The following GDPD5 variants were observed in gnomAD, a reference collection of about 807,000 sequenced individuals.
The protein encoded by GDPD5 is glycerophosphodiester phosphodiesterase 2.
A neutral mutation model predicts 75.1 loss-of-function variants in GDPD5; 48 were observed. The observed-to-expected ratio is 0.64, with a 90% confidence interval of 0.51 to 0.81. The LOEUF (loss-of-function observed/expected upper bound fraction) is 0.81. Among genes scored for constraint, GDPD5 ranks in the 40% least tolerant of loss-of-function variants. The probability of loss-of-function intolerance (pLI) is 0.00; values close to 1 mark genes in which losing one functional copy is unlikely to be tolerated. For synonymous variants in GDPD5, 336 were observed against 339.0 expected (o/e 0.99, Z 0.10); for missense variants, 706 against 822.6 (o/e 0.86, Z 1.73).
intron 4 of GDPD5, among the ~76,000 whole-genome samples, chr11:75,462,172 G>T (rs950706764): frequency 3.9e-5 from 6 of 152,314 alleles, no homozygotes; most frequent in African/African-American, 7.2e-5. Context: ...GTATACAAAG[G>T]GGGTAACCAA....
At chr11:75,487,773 A>C (rs1258336311) in intron 2 of GDPD5, among the ~76,000 whole-genome samples, 1 of 152,200 alleles carries the variant, frequency 6.6e-6, no homozygotes, top group East Asian at 1.9e-4. Context: ...TTCCCAGGTC[A>C]GGGCTATGAG....
At chr11:75,498,101 G>C (rs1192340142) in intron 1 of GDPD5, among the ~76,000 whole-genome samples, 1 of 151,444 alleles carries the variant, frequency 6.6e-6, no homozygotes, top group African/African-American at 2.4e-5. Context: ...CTGGTGGAGG[G>C]GGGGCTGACT....
intron 2 of GDPD5, among the ~76,000 whole-genome samples, chr11:75,480,693 G>T (rs1483958972): frequency 6.6e-6 from 1 of 152,134 alleles, no homozygotes; most frequent in Non-Finnish European, 1.5e-5. Flanking sequence ...TCATACCCAC[G>T]CAGGTTGGCT....
intron 14 of GDPD5, among the ~76,000 whole-genome samples, chr11:75,440,472 T>C (rs1475916541): frequency 2.6e-5 from 4 of 152,216 alleles, no homozygotes. Flanking sequence ...AGGGTGACAG[T>C]GGAGCCACCA....
chr11:75,447,045 A>T (rs1949003390), intron 9 of GDPD5, among the ~76,000 whole-genome samples: 1 of 152,116 alleles, frequency 6.6e-6, no homozygotes, highest in South Asian at 2.1e-4. Context: ...CACCACATCC[A>T]GCTAATGTTG....
chr11:75,443,042 G>T (rs770505930), intron 11 of GDPD5, 94 bp downstream of exon 11: 2 of 1,410,628 alleles, frequency 1.4e-6, no homozygotes, highest in East Asian at 5.0e-5. Flanking sequence ...GAGAGTGGGG[G>T]TCTCGAAGCT....
rs59758693 is a variant in GDPD5, at chr11:75,453,616, T to TAA, written c.375+3139_375+3140dup. Reference sequence around the variant, plus strand: ...CTGGGCGACACAGCAAGACTGTCTCTAAAAAAAAAAAAAAAAATACAAACA... The same window carrying TAA: ...CTGGGCGACACAGCAAGACTGTCTCTAAAAAAAAAAAAAAAAAAATACAAACA... On this transcript the variant is annotated intron_variant, in intron 6 of 16. Coordinates refer to ENST00000336898, the MANE Select transcript of GDPD5 (RefSeq NM_030792.8). 6.7e-3 allele frequency among the ~76,000 whole-genome samples: 923 copies of TAA among 136,898 alleles called. 10 individuals are homozygous for TAA. The highest frequency in any genetic ancestry group is 0.021 in the African/African-American group (777 of 36,490). The allele number at this position is 136,898 out of a possible 152,430, so 89.8% of individuals were successfully genotyped here.
chr11:75,479,607 AT>A (rs1388113166), intron 2 of GDPD5: 1 of 152,208 alleles, frequency 6.6e-6, no homozygotes, highest in Non-Finnish European at 1.5e-5. Context: ...TTTTTGGTAT[AT>A]TCACAAGTTG....
intron 16 of GDPD5, among the ~76,000 whole-genome samples, chr11:75,435,941 G>A (rs1378882628): frequency 6.6e-6 from 1 of 152,162 alleles, no homozygotes; most frequent in Admixed American, 6.5e-5. Flanking sequence ...GCCTTTGCAT[G>A]TGTCAGCCCC....
Position 75,448,989 on chromosome 11 carries a change from G to A in GDPD5, c.702C>T (p.Arg234=), listed in dbSNP as rs200391339. The part of the protein sequence containing the change: ...LGPKPALIGH[R]GAPMLAPEHT... ...AGGTGGCACTCACCATGGGGGCCCC[G>A]CGGTGGCCAATGAGAGCAGGCTTGG... Residue 234 remains arginine, a synonymous_variant, in exon 9 of 17, where the codon CGC becomes CGT. Transcript: ENST00000336898. The A allele has an allele frequency of 4.8e-5, 76 of 1,577,540 alleles. No individual in the cohort carries two copies. In the Middle Eastern group the frequency reaches 1.0e-3, roughly 22 times the overall value.
chr11:75,477,218 G>T (rs1949797881), intron 3 of GDPD5, among the ~76,000 whole-genome samples: 1 of 152,114 alleles, frequency 6.6e-6, no homozygotes, highest in Admixed American at 6.5e-5. Context: ...CCAGACCGTG[G>T]CCCTGCCAGC....
At chr11:75,442,622 C>T (rs1450218916) in intron 11 of GDPD5, 41 bp from the exon 12 acceptor site, 2 of 1,593,554 alleles carry the variant, frequency 1.3e-6, no homozygotes, top group Admixed American at 3.4e-5. Flanking sequence ...CATCATCAGC[C>T]CTTTGGGGGC....
At chr11:75,491,769 A>G (rs761919934) in intron 1 of GDPD5, among the ~76,000 whole-genome samples, 1 of 152,226 alleles carries the variant, frequency 6.6e-6, no homozygotes, top group Non-Finnish European at 1.5e-5. Context: ...ATTAGTTACC[A>G]TATGTAAAAC....
chr11:75,464,471 C>T (rs974425504), intron 3 of GDPD5, among the ~76,000 whole-genome samples: 2 of 152,196 alleles, frequency 1.3e-5, no homozygotes, highest in African/African-American at 4.8e-5. Flanking sequence ...CCACTAAGGG[C>T]CTGCTCCGTG....
At chr11:75,490,180 AG>A (rs1950084083) in intron 2 of GDPD5, 56 bp downstream of exon 2, 1 of 152,138 alleles carries the variant, frequency 6.6e-6, no homozygotes, top group African/African-American at 2.4e-5. Context: ...GAACCCAGTC[AG>A]CTGCCCTCTG....
Position 75,439,215 on chromosome 11 carries a change from C to T in GDPD5, c.1556+664G>A, listed in dbSNP as rs533191820. On this transcript the variant is annotated intron_variant, in intron 15 of 16. Coordinates refer to ENST00000336898, the MANE Select transcript of GDPD5 (RefSeq NM_030792.8). ...GGGTAAGGGAGGCTTCAGGCGAGCG[C>T]GCTGTCTGCGAGGTGGCCCGGGCAC... 137 of 405,844 alleles carry T rather than the reference C, an allele frequency of 3.4e-4. 1 individual carries two copies. The highest frequency in any genetic ancestry group is 1.2e-3 in the African/African-American group (60 of 49,080). 25.1% of individuals were successfully genotyped at this position (405,844 alleles called of 1,614,324 possible).
At chr11:75,457,405 C>T (rs899651528) in intron 5 of GDPD5, among the ~76,000 whole-genome samples, 3 of 152,138 alleles carry the variant, frequency 2.0e-5, no homozygotes, top group African/African-American at 7.2e-5. Flanking sequence ...CCCGAGAGGC[C>T]CTGGGCAAAA....
At chr11:75,453,135 C>G (rs1949206537) in intron 6 of GDPD5, among the ~76,000 whole-genome samples, 1 of 152,108 alleles carries the variant, frequency 6.6e-6, no homozygotes, top group African/African-American at 2.4e-5. Flanking sequence ...TGAACACTCA[C>G]CTGGGAGAGA....
intron 6 of GDPD5, chr11:75,450,972 C>G (rs1337732731): frequency 6.6e-6 from 1 of 152,332 alleles, no homozygotes; most frequent in Non-Finnish European, 1.5e-5. Context: ...ACAGCACTGC[C>G]GGCCGCCCTG....
Sources: allele counts gnomAD v4.1 joint callset (sites outside exome capture counted in the v4.1 genomes callset), GRCh38; gene constraint gnomAD v4.1.1; transcripts MANE v1.5; gene names NCBI Gene and HGNC (gene_info 2026-07-23, HGNC 2026-07-21).